ERC1: variants seen among roughly 807,000 people sequenced by gnomAD.
ERC1 encodes the protein RAB6 interacting protein 2.
In ERC1, 56 loss-of-function variants were observed where a neutral mutation model predicts 132.0. The ratio of observed to expected loss-of-function variants is 0.42; its 90% CI spans 0.34 to 0.53. The LOEUF (loss-of-function observed/expected upper bound fraction) is 0.53. ERC1 is among the 20% of genes least tolerant of loss of function. The probability of loss-of-function intolerance (pLI) is 0.03; values close to 1 mark genes in which losing one functional copy is unlikely to be tolerated. For missense variants in ERC1, 1,202 were observed against 1,349.9 expected (o/e 0.89, Z 1.72); for synonymous variants, 478 against 476.1 (o/e 1.00, Z -0.05).
intron 18 of ERC1, among the ~76,000 whole-genome samples, chr12:1,471,903 T>C (rs141839958): frequency 2.0e-3 from 311 of 152,328 alleles, no homozygotes; most frequent in African/African-American, 6.7e-3. Context: ...CCAGGCGTGA[T>C]AGATACATAT....
At chr12:1,248,298 T>G (rs991525276) in intron 13 of ERC1, among the ~76,000 whole-genome samples, 3 of 152,318 alleles carry the variant, frequency 2.0e-5, no homozygotes, top group Middle Eastern at 3.4e-3. Flanking sequence ...TCCGCCCTTC[T>G]GGAACATTGT....
intron 18 of ERC1, among the ~76,000 whole-genome samples, chr12:1,482,930 A>C (rs1478404331): frequency 6.6e-6 from 1 of 151,810 alleles, no homozygotes; most frequent in Non-Finnish European, 1.5e-5. Context: ...CAATCACCCC[A>C]TCCTACCCCA....
chr12:1,347,660 G>T (rs188171363), intron 15 of ERC1, among the ~76,000 whole-genome samples: 351 of 152,072 alleles, frequency 2.3e-3, no homozygotes, highest in African/African-American at 8.0e-3. Flanking sequence ...TGTCCTTTTT[G>T]CTCCCAGGTT....
chr12:1,318,471 A>T (rs1262380604), intron 15 of ERC1, among the ~76,000 whole-genome samples: 2 of 152,222 alleles, frequency 1.3e-5, no homozygotes, highest in Non-Finnish European at 1.5e-5. Flanking sequence ...GCAAGCTCAA[A>T]CTGTTCGGAG....
intron 3 of ERC1, among the ~76,000 whole-genome samples, chr12:1,092,654 C>G (rs1376900216): frequency 6.6e-6 from 1 of 152,164 alleles, no homozygotes; most frequent in Admixed American, 6.5e-5. Flanking sequence ...CTAACTCTTG[C>G]AATCAGTATT....
chr12:1,240,089 G>T (rs529890317), intron 13 of ERC1, among the ~76,000 whole-genome samples: 1 of 152,254 alleles, frequency 6.6e-6, no homozygotes, highest in Admixed American at 6.5e-5. Flanking sequence ...AAGAATGAAG[G>T]GGCTATCACT....
intron 1 of ERC1, among the ~76,000 whole-genome samples, chr12:996,531 A>G (rs931394884): frequency 3.9e-5 from 6 of 152,122 alleles, no homozygotes; most frequent in Admixed American, 2.6e-4. Flanking sequence ...GTAGTGTGCT[A>G]TGATTGCATA....
At chr12:1,303,451 A>G (rs1446571263) in intron 15 of ERC1, among the ~76,000 whole-genome samples, 1 of 150,918 alleles carries the variant, frequency 6.6e-6, no homozygotes, top group Non-Finnish European at 1.5e-5. Flanking sequence ...CCTGGCTAAC[A>G]TGGTGAAACC....
rs1278141484 is a variant in ERC1, at chr12:1,277,948, C to T, written c.2620-11904C>T. ...GTTCAGTCTTTCAATCAAATTCTGT[C>T]AAGAGGAACCTCGTAGGTTTCACTG... On this transcript the variant is annotated intron_variant, in intron 14 of 18. Transcript: ENST00000360905. Among the ~76,000 whole-genome samples the T allele has an allele frequency of 2.0e-5, 3 of 152,190 alleles. No homozygotes were observed. In the East Asian group the frequency reaches 5.8e-4, roughly 29 times the overall value.
At chr12:1,009,316 A>G (rs1234349624) in intron 1 of ERC1, among the ~76,000 whole-genome samples, 1 of 152,022 alleles carries the variant, frequency 6.6e-6, no homozygotes, top group African/African-American at 2.4e-5. Context: ...CTGGGACTAC[A>G]GGTGCCCGCC....
At chr12:1,062,310 CG>C (rs1233628319) in intron 2 of ERC1, among the ~76,000 whole-genome samples, 1 of 151,776 alleles carries the variant, frequency 6.6e-6, no homozygotes, top group Non-Finnish European at 1.5e-5. Flanking sequence ...AAAATGAAGA[CG>C]GGGTTTTGCC....
At chr12:1,054,824 AAG>A (rs1346717199) in intron 2 of ERC1, among the ~76,000 whole-genome samples, 3 of 152,168 alleles carry the variant, frequency 2.0e-5, no homozygotes, top group Non-Finnish European at 2.9e-5. Flanking sequence ...GGTAGAAAGA[AAG>A]AGAAATATGC....
intron 12 of ERC1, among the ~76,000 whole-genome samples, chr12:1,192,647 G>A (rs927725669): frequency 2.0e-5 from 3 of 152,132 alleles, no homozygotes; most frequent in African/African-American, 7.2e-5. Flanking sequence ...CTTCATGCCA[G>A]GTTTCTGTCC....
At chr12:1,343,602 C>A (rs76117781) in intron 15 of ERC1, among the ~76,000 whole-genome samples, 1 of 152,008 alleles carries the variant, frequency 6.6e-6, no homozygotes, top group African/African-American at 2.4e-5. Context: ...GTTAGTGGCT[C>A]GGTGTTTTCA....
intron 2 of ERC1, among the ~76,000 whole-genome samples, chr12:1,077,799 A>G (rs2154185930): frequency 6.6e-6 from 1 of 152,300 alleles, no homozygotes; most frequent in African/African-American, 2.4e-5. Flanking sequence ...TTCTGTATGA[A>G]TATGCTGGAG....
At chr12:1,119,513 G>A (rs1052104371) in intron 7 of ERC1, among the ~76,000 whole-genome samples, 1 of 948 alleles carries the variant, frequency 1.1e-3, no homozygotes, top group South Asian at 0.083. Context: ...CTTCTTCTTT[G>A]TGTGTGTGTG....
intron 13 of ERC1, among the ~76,000 whole-genome samples, chr12:1,248,985 C>T (rs1351117374): frequency 9.2e-5 from 14 of 152,080 alleles, no homozygotes; most frequent in Admixed American, 7.9e-4. Context: ...TGGACTTAAG[C>T]GATTCTCCTG....
intron 18 of ERC1, among the ~76,000 whole-genome samples, chr12:1,488,691 T>C (rs1215950729): frequency 6.6e-6 from 1 of 152,228 alleles, no homozygotes; most frequent in Non-Finnish European, 1.5e-5. Flanking sequence ...CTAGACTTTA[T>C]ATTCCATTTT....
rs188619330 is a variant in ERC1, at chr12:1,480,914, C to T, written c.3214-9179C>T. 3,750 of 702,440 alleles carry T rather than the reference C, an allele frequency of 5.3e-3. 15 individuals carry two copies. The highest frequency in any genetic ancestry group is 8.0e-3 in the Non-Finnish European group (3,093 of 384,944). The allele number at this position is 702,440 out of a possible 1,614,324, so 43.5% of individuals were successfully genotyped here. On this transcript the variant is annotated intron_variant, in intron 18 of 18. Transcript: ENST00000360905. Reference sequence around the variant, plus strand: ...GATGCTCATGGTAAGGAAATGCAGACGCCCCCAGACGTCCCCCTTACTCTG... The same window carrying T: ...GATGCTCATGGTAAGGAAATGCAGATGCCCCCAGACGTCCCCCTTACTCTG...
Sources: allele counts gnomAD v4.1 joint callset (sites outside exome capture counted in the v4.1 genomes callset), GRCh38; gene constraint gnomAD v4.1.1; transcripts MANE v1.5; gene names NCBI Gene and HGNC (gene_info 2026-07-23, HGNC 2026-07-21).